The following TUBGCP6 variants were observed in gnomAD, a reference collection of about 807,000 sequenced individuals.
TUBGCP6 encodes tubulin gamma complex component 6.
TUBGCP6 carries 161 observed loss-of-function variants against 175.8 expected under a neutral mutation model. The ratio of observed to expected loss-of-function variants is 0.92; its 90% CI spans 0.81 to 1.04. The LOEUF (loss-of-function observed/expected upper bound fraction) is 1.04, where lower values mean the gene tolerates loss of function less well. Among genes scored for constraint, TUBGCP6 ranks in the 50% least tolerant of loss-of-function variants. TUBGCP6 has a pLI of 0.00. For synonymous variants in TUBGCP6, 1,173 were observed against 1,030.5 expected, an observed-to-expected ratio of 1.14 and a Z score of -2.65; for missense variants, 2,572 against 2,433.0, an observed-to-expected ratio of 1.06 and a Z score of -1.20.
chr22:50,230,781 A>G (rs1439076872), intron 3 of TUBGCP6, among the ~76,000 whole-genome samples: 2 of 151,090 alleles, frequency 1.3e-5, no homozygotes, highest in African/African-American at 2.4e-5. Context: ...AAAAAAAAAA[A>G]AAAGAAAGAA....
At chr22:50,234,618 AGCAGCATCATCCACACCCCCTGTGCACG>A (rs891464898) in intron 2 of TUBGCP6, among the ~76,000 whole-genome samples, 2 of 117,096 alleles carry the variant, frequency 1.7e-5, no homozygotes, top group African/African-American at 6.7e-5. Flanking sequence ...CCCTATCCAC[AGCAGCATCATCCACACCCCCTGTGCACG>A]GCAGCATCAC....
chr22:50,226,446 A>G, intron 7 of TUBGCP6, 68 bp from the exon 8 acceptor site: 7 of 1,176,220 alleles, frequency 6.0e-6, no homozygotes, highest in Non-Finnish European at 8.5e-6. Flanking sequence ...GCTGTCAGTG[A>G]GGGGTGGGAC....
intron 13 of TUBGCP6, 123 bp from the exon 14 acceptor site, chr22:50,222,715 C>T (rs1242577261): frequency 2.1e-6 from 3 of 1,397,482 alleles, no homozygotes; most frequent in East Asian, 4.9e-5. Flanking sequence ...CCCCGTCTCC[C>T]CCTACCAGGG....
chr22:50,233,354 A>G lies in TUBGCP6; in HGVS notation c.1078T>C (p.Leu360=), dbSNP rs748704112. The G allele has an allele frequency of 6.2e-7, 1 of 1,613,992 alleles. No individual in the cohort carries two copies. The highest frequency in any genetic ancestry group is 8.5e-7 in the Non-Finnish European group (1 of 1,179,954). The change falls in exon 3 of 25, where the codon TTG becomes CTG. Residue 360 remains leucine, a synonymous_variant. Coordinates refer to ENST00000248846, the MANE Select transcript of TUBGCP6 (RefSeq NM_020461.4). The part of the protein sequence containing the change: ...CELVKDVLNV[L]IGVVSATFSL... ...AACGTGGCAGACACGACCCCAATCAAGACGTTCAGCACGTCTTTCACCAGC... is the reference window on the plus strand; with the variant it reads ...AACGTGGCAGACACGACCCCAATCAGGACGTTCAGCACGTCTTTCACCAGC...
intron 2 of TUBGCP6, among the ~76,000 whole-genome samples, chr22:50,235,047 C>T (rs1260214299): frequency 6.6e-6 from 1 of 151,466 alleles, no homozygotes; most frequent in African/African-American, 2.4e-5. Context: ...GCATCAGCCA[C>T]ACCCCTGTCC....
rs1015260506 is a variant in TUBGCP6 at position 50,240,438 on chromosome 22, T to C, written c.742-71A>G. The C allele has an allele frequency of 1.5e-5, 24 of 1,574,964 alleles. No individual in the cohort carries two copies. In the African/African-American group the frequency reaches 2.8e-4, roughly 19 times the overall value. The stretch of plus-strand genomic sequence containing the variant: ...CGTTTCATCCAAGGGCGATGAGAAT[T>C]TCAGGAACTTTATGCAAAGACCTAA... On this transcript the variant is annotated intron_variant, in intron 1 of 24. Coordinates refer to ENST00000248846, the MANE Select transcript of TUBGCP6 (RefSeq NM_020461.4).
Position 50,224,355 on chromosome 22 carries a change from C to G in TUBGCP6, c.2131G>C (p.Glu711Gln). The G allele has an allele frequency of 6.2e-7, 1 of 1,614,252 alleles. No homozygotes were observed. The highest frequency in any genetic ancestry group is 1.3e-5 in the African/African-American group (1 of 75,058). The change falls in exon 12 of 25, where the codon GAA becomes CAA. Residue 711 changes from glutamate to glutamine, a missense_variant. Transcript: ENST00000248846. ...RKREQFQRLK[E>Q]QFVKDQERRQ... ...ACCTCCTGGTCCTTCACAAATTGTT[C>G]TTTCAGCCTCTGAAACTGCTCACGC...
rs769431336 is a variant in TUBGCP6, at chr22:50,218,788, T to C, written c.4736A>G (p.Asn1579Ser). 58 of 1,613,552 alleles carry C rather than the reference T, an allele frequency of 3.6e-5. No individual in the cohort carries two copies. The highest frequency in any genetic ancestry group is 4.5e-5 in the Non-Finnish European group (53 of 1,179,888). Residue 1579 changes from asparagine to serine, a missense_variant, in exon 21 of 25, where the codon AAC becomes AGC. Physicochemically the swap from Asn to Ser is conservative, Grantham distance 46. Transcript: ENST00000248846. ...CAGGTACTTGAGAGCGAGGGAGAGG[T>C]TGGAGGCGTGCGGGGTGTCCCCATG... ...SLHGDTPHASNLSLALKYLPE... is the reference protein window; with the variant it reads ...SLHGDTPHASSLSLALKYLPE...
At position 50,220,449 on chromosome 22, in the gene TUBGCP6, A is replaced by T. The variant is rs1376400486; in HGVS notation, c.3910T>A (p.Ser1304Thr). The T allele has an allele frequency of 1.2e-6, 2 of 1,612,646 alleles. No individual in the cohort carries two copies. Among genetic ancestry groups the T allele is most frequent in the South Asian group, 2.2e-5 (2 of 91,012 alleles). The change falls in exon 16 of 25, where the codon TCA becomes ACA. Residue 1304 changes from serine (S) to threonine (T), a missense_variant. Physicochemically the swap from Ser to Thr is moderately conservative, Grantham distance 58. Transcript: ENST00000248846. ...CTCTGTGCTCCCAGGCTGAGCGCTG[A>T]CTGGGACGTGTGGCCAGGGGGGCTC... ...QQSPPGHTSQ[S>T]ALSLGAQSTV...
At chr22:50,230,616 A>C (rs2064675242) in intron 3 of TUBGCP6, among the ~76,000 whole-genome samples, 1 of 150,732 alleles carries the variant, frequency 6.6e-6, no homozygotes, top group Non-Finnish European at 1.5e-5. Context: ...AAAAAAAAAA[A>C]AAAATTAAAA....
intron 14 of TUBGCP6, 122 bp downstream of exon 14, chr22:50,222,332 C>G: frequency 6.9e-7 from 1 of 1,444,872 alleles, no homozygotes; most frequent in Non-Finnish European, 9.4e-7. Flanking sequence ...GAGTGCTCTG[C>G]CGCAAACGCG....
At chr22:50,234,925 G>GGTCCACGGCAGCATCGCCCACACCCCC (rs2064750381) in intron 2 of TUBGCP6, among the ~76,000 whole-genome samples, 1 of 122,140 alleles carries the variant, frequency 8.2e-6, no homozygotes, top group South Asian at 2.8e-4. Flanking sequence ...TCCACACCCA[G>GGTCCACGGCAGCATCGCCCACACCCCC]GTCCACGGCA....
rs573594339 is a variant in TUBGCP6, at chr22:50,220,545, T to C, written c.3814A>G (p.Ile1272Val). ...TRPRWNTHVP[I>V]PPPHMVLGAL... is the part of the protein sequence containing the mutation. ...CCCAGCACCATGTGGGGCGGAGGGATGGGTACATGGGTGTTCCACCGTGGC... is the reference window on the plus strand; with the variant it reads ...CCCAGCACCATGTGGGGCGGAGGGACGGGTACATGGGTGTTCCACCGTGGC... The change falls in exon 16 of 25, where the codon ATC becomes GTC. Residue 1272 changes from isoleucine (I) to valine (V), a missense_variant. Ile to Val is a conservative substitution (Grantham distance 29). Coordinates refer to ENST00000248846, the MANE Select transcript of TUBGCP6 (RefSeq NM_020461.4). The C allele has an allele frequency of 6.2e-7, 1 of 1,613,456 alleles. No homozygotes were observed. The highest frequency in any genetic ancestry group is 1.7e-5 in the Admixed American group (1 of 60,014).
At position 50,222,040 on chromosome 22, in the gene TUBGCP6, G is replaced by A. The variant is rs373716081; in HGVS notation, c.2472C>T (p.Ser824=). 46 of 1,613,742 alleles carry A rather than the reference G, an allele frequency of 2.9e-5. No homozygotes were observed. The highest frequency in any genetic ancestry group is 3.3e-4 in the Middle Eastern group (2 of 6,018). Residue 824 remains serine, a synonymous_variant, in exon 15 of 25, where the codon AGC becomes AGT. Coordinates refer to ENST00000248846, the MANE Select transcript of TUBGCP6 (RefSeq NM_020461.4). The stretch of plus-strand genomic sequence containing the variant: ...CTCTGCCGCTTACCTGGGGGTGCAC[G>A]CTCAAGAGGACGTCTGGCGGCTCCT... ...QPQEPPDVLL[S]VHPQVTSPGP... is the part of the protein sequence containing the mutation.
chr22:50,242,714 G>A (rs959456691), intron 1 of TUBGCP6, among the ~76,000 whole-genome samples: 1 of 152,222 alleles, frequency 6.6e-6, no homozygotes, highest in Admixed American at 6.5e-5. Flanking sequence ...CCAATTGCAC[G>A]AATTACAGAA....
Position 50,221,202 on chromosome 22 carries a change from G to A in TUBGCP6, c.3157C>T (p.His1053Tyr). 2 of 1,611,952 alleles carry A rather than the reference G, an allele frequency of 1.2e-6. No individual in the cohort carries two copies. The highest frequency in any genetic ancestry group is 8.5e-7 in the Non-Finnish European group (1 of 1,178,104). The change falls in exon 16 of 25, where the codon CAC becomes TAC. Residue 1053 changes from histidine to tyrosine, a missense_variant. His to Tyr is a moderately conservative substitution (Grantham distance 83). Transcript: ENST00000248846. ...IAPTRPRWNTHGHVSDASIRV... is the reference protein window; with the variant it reads ...IAPTRPRWNTYGHVSDASIRV... ...ATGCTGGCGTCAGACACGTGCCCGT[G>A]GGTGTTCCACCGTGGCCGGGTGGGA... is the stretch of plus-strand genomic sequence containing the variant.
At position 50,221,284 on chromosome 22, in the gene TUBGCP6, G is replaced by A; in HGVS notation, c.3075C>T (p.Leu1025=). ...EEGSSQPTER[L]FGQVSGGGLP... is the part of the protein sequence containing the mutation. ...GACCACCCCCTGACACCTGCCCAAA[G>A]AGCCGCTCTGTGGGCTGGCTGCTCC... The change falls in exon 16 of 25, where the codon CTC becomes CTT. Residue 1025 remains leucine (L), a synonymous_variant. Transcript: ENST00000248846. 1 of 1,613,962 alleles carries A rather than the reference G, an allele frequency of 6.2e-7. No individual in the cohort carries two copies. Among genetic ancestry groups the A allele is most frequent in the Non-Finnish European group, 8.5e-7 (1 of 1,180,042 alleles).
Position 50,221,612 on chromosome 22 carries a change from G to A in TUBGCP6, c.2747C>T (p.Pro916Leu). The change falls in exon 16 of 25, where the codon CCT becomes CTT. Residue 916 changes from proline (P) to leucine (L), a missense_variant. Coordinates refer to ENST00000248846, the MANE Select transcript of TUBGCP6 (RefSeq NM_020461.4). ...AEPSVQTGMV[P>L]LLEVALQTIN... ...GGTCTGCAGCGCCACCTCCAGGAGA[G>A]GGACCATGCCAGTCTGCACGGACGG... The A allele has an allele frequency of 6.4e-7, 1 of 1,559,136 alleles. No homozygotes were observed. The highest frequency in any genetic ancestry group is 8.7e-7 in the Non-Finnish European group (1 of 1,150,870).
In TUBGCP6 at chr22:50,221,685, C is replaced by CA. The variant is rs771747672; in HGVS notation, c.2673dup (p.Asp892Ter). The CA allele has an allele frequency of 6.6e-7, 1 of 1,518,234 alleles. No individual in the cohort carries two copies. Among genetic ancestry groups the CA allele is most frequent in the Non-Finnish European group, 8.8e-7 (1 of 1,134,708 alleles). 94.0% of individuals were successfully genotyped at this position (1,518,234 alleles called of 1,614,324 possible). On this transcript the variant is annotated frameshift_variant, in exon 16 of 25. Coordinates refer to ENST00000248846, the MANE Select transcript of TUBGCP6 (RefSeq NM_020461.4). LOFTEE classifies it high-confidence loss of function. ...AGGAAGTCTCCAATGCTGAGGCTGT[C>CA]AGAGAAGGGTCTGGCCCCCTCCGCC...
Sources: gnomAD v4.1 joint callset for allele counts (sites outside exome capture counted in the v4.1 genomes callset) on GRCh38, gnomAD v4.1.1 for gene constraint, MANE v1.5 for transcripts, NCBI Gene and HGNC (gene_info 2026-07-23, HGNC 2026-07-21) for gene names.